FOXK1: variants seen among roughly 807,000 people sequenced by gnomAD.
The protein encoded by FOXK1 is forkhead box K1.
A neutral mutation model predicts 51.9 loss-of-function variants in FOXK1; 19 were observed. The ratio of observed to expected loss-of-function variants is 0.37; its 90% CI spans 0.26 to 0.54. The LOEUF is 0.54. Ranked by LOEUF, FOXK1 falls within the 20% of genes least tolerant of loss-of-function variation. FOXK1 has a pLI of 0.87. For missense variants in FOXK1, 870 were observed against 1,032.7 expected, an observed-to-expected ratio of 0.84 and a Z score of 2.16; for synonymous variants, 537 against 482.6, an observed-to-expected ratio of 1.11 and a Z score of -1.48.
intron 1 of FOXK1, among the ~76,000 whole-genome samples, chr7:4,710,790 G>A (rs1209199117): frequency 2.0e-5 from 3 of 152,108 alleles, no homozygotes; most frequent in Non-Finnish European, 2.9e-5. Context: ...CCACGATACT[G>A]TTCATAGAAG....
At chr7:4,737,715 A>G (rs1409717011) in intron 1 of FOXK1, among the ~76,000 whole-genome samples, 1 of 152,168 alleles carries the variant, frequency 6.6e-6, no homozygotes, top group East Asian at 1.9e-4. Context: ...TAGGTCAGGG[A>G]CACCAGTCCC....
chr7:4,720,273 G>A (rs537761844), intron 1 of FOXK1, among the ~76,000 whole-genome samples: 2 of 152,034 alleles, frequency 1.3e-5, no homozygotes, highest in African/African-American at 4.8e-5. Context: ...TTATTTCTTT[G>A]AGGGTTTTTT....
intron 2 of FOXK1, 49 bp from the exon 3 acceptor site, chr7:4,754,410 G>A (rs748966545): frequency 6.3e-7 from 1 of 1,593,262 alleles, no homozygotes; most frequent in South Asian, 1.1e-5. Flanking sequence ...GCCCCACAGG[G>A]GCCCCCTCTT....
At chr7:4,702,919 C>G (rs1780038179) in intron 1 of FOXK1, among the ~76,000 whole-genome samples, 1 of 152,184 alleles carries the variant, frequency 6.6e-6, no homozygotes, top group East Asian at 1.9e-4. Context: ...AGCCTGCCCG[C>G]CCTACCCAGC....
rs183647887 is a variant in FOXK1 at position 4,721,434 on chromosome 7, C to T, written c.561-19404C>T. 3.9e-5 allele frequency among the ~76,000 whole-genome samples: 6 copies of T among 152,222 alleles called. No individual in the cohort carries two copies. In the East Asian group the frequency reaches 1.2e-3, roughly 29 times the overall value. The stretch of plus-strand genomic sequence containing the variant: ...CAGGTGACAGTGGCTCAGTAAAATG[C>T]CTTGAATTCTAATCTCCAGGCGTCG... On this transcript the variant is annotated intron_variant, in intron 1 of 8. Coordinates refer to ENST00000328914, the MANE Select transcript of FOXK1 (RefSeq NM_001037165.2).
chr7:4,690,744 C>T (rs923530885), intron 1 of FOXK1, among the ~76,000 whole-genome samples: 4 of 152,116 alleles, frequency 2.6e-5, no homozygotes, highest in Non-Finnish European at 5.9e-5. Context: ...AAAGACGCAG[C>T]TATGTTTAAA....
intron 1 of FOXK1, among the ~76,000 whole-genome samples, chr7:4,694,781 C>T (rs1212262099): frequency 2.0e-5 from 3 of 152,190 alleles, no homozygotes; most frequent in Admixed American, 2.0e-4. Context: ...GGGCGCCTGT[C>T]AGCAGAGACC....
chr7:4,700,592 G>A (rs537763571), intron 1 of FOXK1, among the ~76,000 whole-genome samples: 42 of 152,224 alleles, frequency 2.8e-4, no homozygotes, highest in South Asian at 1.7e-3. Flanking sequence ...GAGGTGGGAG[G>A]ATCGCTTGAA....
At chr7:4,726,687 C>T (rs1780385201) in intron 1 of FOXK1, among the ~76,000 whole-genome samples, 1 of 151,984 alleles carries the variant, frequency 6.6e-6, no homozygotes, top group African/African-American at 2.4e-5. Context: ...AGCGGGAGCT[C>T]ACTCCTGCCA....
rs773342241 is a variant in FOXK1 at position 4,761,145 on chromosome 7, C to T, written c.1778C>T (p.Ala593Val). The T allele has an allele frequency of 2.5e-6, 4 of 1,612,734 alleles. No homozygotes were observed. The highest frequency in any genetic ancestry group is 3.4e-6 in the Non-Finnish European group (4 of 1,179,990). Residue 593 changes from alanine to valine, a missense_variant, in exon 8 of 9, where the codon GCC becomes GTC. Ala to Val is a moderately conservative substitution (Grantham distance 64). This residue lies in a region of FOXK1 where 457 missense variants were observed against 510.8 expected (regional missense o/e 0.89). Coordinates refer to ENST00000328914, the MANE Select transcript of FOXK1 (RefSeq NM_001037165.2). The surrounding 1 kb of genome is among the most constrained non-coding windows in gnomAD (Gnocchi z 6.2). ...GVIQTVASQMAPGVPGHTVTI... is the reference protein window; with the variant it reads ...GVIQTVASQMVPGVPGHTVTI... ...ATCCAGACGGTGGCCAGCCAGATGG[C>T]CCCCGGGGTCCCCGGACACACGGTC...
At position 4,744,561 on chromosome 7, in the gene FOXK1, G is replaced by A. The variant is rs1374623453; in HGVS notation, c.746+3538G>A. ...GGATAAGCGCCTCCAGCTCCATCGC[G>A]TTGCTGCCCAGGTCAAGATTTCATT... On this transcript the variant is annotated intron_variant, in intron 2 of 8. Coordinates refer to ENST00000328914, the MANE Select transcript of FOXK1 (RefSeq NM_001037165.2). Among the ~76,000 whole-genome samples, 6 of 152,228 alleles carry A rather than the reference G, an allele frequency of 3.9e-5. No homozygotes were observed. The South Asian group carries it at 6.2e-4, about 16-fold the overall frequency.
rs997352678 is a variant in FOXK1, at chr7:4,762,819, G to A, written c.*355G>A. On this transcript the variant is annotated 3_prime_UTR_variant, in exon 9 of 9. Coordinates refer to ENST00000328914, the MANE Select transcript of FOXK1 (RefSeq NM_001037165.2). This position sits in a 1 kb window ranked among gnomAD's most constrained non-coding sequence, Gnocchi z 5.7. ...TGTCAAGACAGCCCCTCCGCTCCGC[G>A]CTGCACGGCCAGCCGCCTTTGTCCG... The A allele has an allele frequency of 2.1e-5, 5 of 233,814 alleles. No homozygotes were observed. The highest frequency in any genetic ancestry group is 2.0e-4 in the East Asian group (2 of 10,212). The allele number at this position is 233,814 out of a possible 1,614,324, so 14.5% of individuals were successfully genotyped here.
In FOXK1 at chr7:4,771,162, C is replaced by T. The variant is rs1039449406; in HGVS notation, c.*8698C>T. ...GAAGGGACAGCCCCACCCATGTCAA[C>T]AGCAGGCAACCTGTGTTTTCATTTC... On this transcript the variant is annotated 3_prime_UTR_variant, in exon 9 of 9. Coordinates refer to ENST00000328914, the MANE Select transcript of FOXK1 (RefSeq NM_001037165.2). The T allele has an allele frequency of 4.6e-5, 7 of 152,582 alleles. No individual in the cohort carries two copies. The highest frequency in any genetic ancestry group is 1.2e-4 in the African/African-American group (5 of 41,416). The allele number at this position is 152,582 out of a possible 1,614,324, so 9.5% of individuals were successfully genotyped here.
chr7:4,707,329 C>T lies in FOXK1; in HGVS notation c.560+24461C>T, dbSNP rs1780114826. Among the ~76,000 whole-genome samples the T allele has an allele frequency of 1.3e-5, 2 of 152,200 alleles. No homozygotes were observed. Among genetic ancestry groups the T allele is most frequent in the South Asian group, 4.1e-4 (2 of 4,828 alleles). Reference sequence around the variant, plus strand: ...GGGAAAACTCTTGTGATGAATGGGCCATCCGGGATAAACAGATGGGACGGA... The same window carrying T: ...GGGAAAACTCTTGTGATGAATGGGCTATCCGGGATAAACAGATGGGACGGA... On this transcript the variant is annotated intron_variant, in intron 1 of 8. Coordinates refer to ENST00000328914, the MANE Select transcript of FOXK1 (RefSeq NM_001037165.2). The surrounding 1 kb of genome is among the most constrained non-coding windows in gnomAD (Gnocchi z 4.1).
Position 4,740,918 on chromosome 7 carries a change from C to A in FOXK1, c.641C>A (p.Pro214Gln). ...CACAAAGAAGAGGCCCCAGCCTCCC[C>A]GCTGCGGCCACTGTACCCCCAGATC... ...LYHKEEAPAS[P>Q]LRPLYPQISP... is the part of the protein sequence containing the mutation. Residue 214 changes from proline (P) to glutamine (Q), a missense_variant, in exon 2 of 9, where the codon CCG becomes CAG. Pro to Gln is a moderately conservative substitution (Grantham distance 76). Transcript: ENST00000328914. The A allele has an allele frequency of 1.3e-6, 2 of 1,586,886 alleles. No individual in the cohort carries two copies. The highest frequency in any genetic ancestry group is 4.8e-5 in the East Asian group (2 of 41,406).
At chr7:4,691,622 C>T (rs1209468566) in intron 1 of FOXK1, among the ~76,000 whole-genome samples, 2 of 152,190 alleles carry the variant, frequency 1.3e-5, no homozygotes, top group East Asian at 3.8e-4. Context: ...AGGCATGAGC[C>T]ACCACGCCCA....
At chr7:4,692,723 C>CT (rs1254529186) in intron 1 of FOXK1, among the ~76,000 whole-genome samples, 13 of 151,150 alleles carry the variant, frequency 8.6e-5, no homozygotes, top group African/African-American at 2.2e-4. Flanking sequence ...TGGGTAGTTT[C>CT]TTTTTTTTTA....
chr7:4,707,330 A>G lies in FOXK1; in HGVS notation c.560+24462A>G, dbSNP rs376991503. On this transcript the variant is annotated intron_variant, in intron 1 of 8. Coordinates refer to ENST00000328914, the MANE Select transcript of FOXK1 (RefSeq NM_001037165.2). This position sits in a 1 kb window ranked among gnomAD's most constrained non-coding sequence, Gnocchi z 4.1. The stretch of plus-strand genomic sequence containing the variant: ...GGAAAACTCTTGTGATGAATGGGCC[A>G]TCCGGGATAAACAGATGGGACGGAG... 6.6e-6 allele frequency among the ~76,000 whole-genome samples: 1 copy of G among 152,242 alleles called. No individual in the cohort carries two copies. Among genetic ancestry groups the G allele is most frequent in the South Asian group, 2.1e-4 (1 of 4,832 alleles).
At chr7:4,694,559 C>T (rs982029314) in intron 1 of FOXK1, among the ~76,000 whole-genome samples, 3 of 152,330 alleles carry the variant, frequency 2.0e-5, no homozygotes, top group Middle Eastern at 3.4e-3. Flanking sequence ...CTCCCAGCCC[C>T]GCCCACAGAC....
Sources: allele counts gnomAD v4.1 joint callset (sites outside exome capture counted in the v4.1 genomes callset), GRCh38; gene constraint gnomAD v4.1.1; regional missense constraint gnomAD v4.1.1; non-coding constraint Gnocchi (gnomAD v3.1); transcripts MANE v1.5; gene names NCBI Gene and HGNC (gene_info 2026-07-23, HGNC 2026-07-21).